Variants in DISC1 observed in about 807,000 individuals in gnomAD.
DISC1 encodes DISC1 scaffold protein, also known as disrupted in schizophrenia 1 protein.
Under a neutral mutation model 84.5 loss-of-function variants are expected in DISC1, and 57 were observed. That is an observed-to-expected ratio of 0.67 (90% CI 0.55 to 0.84). DISC1 has a LOEUF of 0.84. DISC1 is among the 40% of genes least tolerant of loss of function. DISC1 has a pLI of 0.00. For synonymous variants in DISC1, 411 were observed against 415.2 expected (o/e 0.99, Z 0.12); for missense variants, 1,000 against 1,057.8 (o/e 0.95, Z 0.76).
chr1:231,786,013 CTATTA>C (rs1262630504), intron 6 of DISC1, among the ~76,000 whole-genome samples: 1 of 152,036 alleles, frequency 6.6e-6, no homozygotes, highest in Non-Finnish European at 1.5e-5. Flanking sequence ...TCTCTATTAT[CTATTA>C]TATTTCTGTC....
At chr1:231,819,115 G>A (rs952049238) in intron 9 of DISC1, 4 of 986,190 alleles carry the variant, frequency 4.1e-6, no homozygotes, top group African/African-American at 1.7e-5. Flanking sequence ...CAGAGGGATG[G>A]TCTCAGAAGA....
intron 12 of DISC1, 127 bp downstream of exon 12, chr1:232,026,679 C>A: frequency 1.5e-6 from 1 of 682,692 alleles, no homozygotes; most frequent in Non-Finnish European, 2.6e-6. Context: ...TAGCACAGAG[C>A]ACCTCAGATC....
chr1:231,847,144 C>A lies in DISC1; in HGVS notation c.1981+28627C>A, dbSNP rs531331829. On this transcript the variant is annotated intron_variant, in intron 9 of 12. Coordinates refer to ENST00000439617, the MANE Select transcript of DISC1 (RefSeq NM_018662.3). ...GAAGTTCGAGATCAAGGTGTCAGCACAAATGGTCTCTCCCTAAGCCTCTCT... is the reference window on the plus strand; with the variant it reads ...GAAGTTCGAGATCAAGGTGTCAGCAAAAATGGTCTCTCCCTAAGCCTCTCT... 3.3e-5 allele frequency among the ~76,000 whole-genome samples: 5 copies of A among 152,222 alleles called. No homozygotes were observed. The South Asian group carries it at 1.0e-3, about 32-fold the overall frequency.
At chr1:231,666,132 C>G (rs1020600191) in intron 1 of DISC1, among the ~76,000 whole-genome samples, 3 of 152,220 alleles carry the variant, frequency 2.0e-5, no homozygotes, top group African/African-American at 7.2e-5. Flanking sequence ...TCAATGCAAT[C>G]AAGGTAATGC....
chr1:232,019,368 A>T lies in DISC1; in HGVS notation c.2308-7067A>T, dbSNP rs551536596. Among the ~76,000 whole-genome samples, 28 of 152,322 alleles carry T rather than the reference A, an allele frequency of 1.8e-4. 1 individual carries two copies. The East Asian group carries it at 4.1e-3, about 22-fold the overall frequency. ...ATGTTCAGAAAGGAAAAAAATAATA[A>T]TTTGAATTGCTGAAAGGACCGCCTG... On this transcript the variant is annotated intron_variant, in intron 11 of 12. Coordinates refer to ENST00000439617, the MANE Select transcript of DISC1 (RefSeq NM_018662.3).
intron 6 of DISC1, among the ~76,000 whole-genome samples, chr1:231,789,291 A>T (rs1448937153): frequency 2.0e-5 from 3 of 152,128 alleles, no homozygotes; most frequent in African/African-American, 7.2e-5. Context: ...AGCAGATTTG[A>T]GGAGCTGTCA....
chr1:231,919,633 A>C (rs1269770404), intron 9 of DISC1, among the ~76,000 whole-genome samples: 2 of 152,200 alleles, frequency 1.3e-5, no homozygotes, highest in Non-Finnish European at 2.9e-5. Flanking sequence ...ACTGGACAGA[A>C]AGACCTTTTT....
At chr1:231,942,462 TG>T (rs1042703849) in intron 9 of DISC1, among the ~76,000 whole-genome samples, 7 of 152,062 alleles carry the variant, frequency 4.6e-5, no homozygotes, top group African/African-American at 1.4e-4. Flanking sequence ...GTCAAGAGTT[TG>T]AGACCACCGT....
At chr1:231,781,241 T>C (rs1325491683) in intron 6 of DISC1, among the ~76,000 whole-genome samples, 1 of 151,208 alleles carries the variant, frequency 6.6e-6, no homozygotes, top group Non-Finnish European at 1.5e-5. Flanking sequence ...TTACGATGAT[T>C]TTTGAATAAC....
At chr1:231,814,827 T>G (rs1482223783) in intron 8 of DISC1, among the ~76,000 whole-genome samples, 1 of 152,022 alleles carries the variant, frequency 6.6e-6, no homozygotes, top group Non-Finnish European at 1.5e-5. Flanking sequence ...GGGTTGCAGA[T>G]GGTCAGCCAG....
chr1:231,966,032 G>C (rs1343885735), intron 10 of DISC1, among the ~76,000 whole-genome samples: 1 of 152,168 alleles, frequency 6.6e-6, no homozygotes, highest in Non-Finnish European at 1.5e-5. Flanking sequence ...CTAAGTGGTT[G>C]TCGTGCTGTT....
At chr1:231,812,558 C>T (rs907877809) in intron 8 of DISC1, among the ~76,000 whole-genome samples, 5 of 152,084 alleles carry the variant, frequency 3.3e-5, no homozygotes, top group Admixed American at 1.3e-4. Flanking sequence ...GTGTTATTTG[C>T]GGAATAAAAT....
intron 3 of DISC1, among the ~76,000 whole-genome samples, chr1:231,731,025 T>C (rs541448381): frequency 2.0e-5 from 3 of 152,362 alleles, no homozygotes; most frequent in Admixed American, 2.0e-4. Flanking sequence ...AGGCATGATC[T>C]ATCACATTTC....
chr1:231,813,493 G>A (rs1369423876), intron 8 of DISC1: 1 of 152,252 alleles, frequency 6.6e-6, no homozygotes, highest in African/African-American at 2.4e-5. Flanking sequence ...GTGGCATGCG[G>A]TAGGGGGCTC....
Position 231,927,277 on chromosome 1 carries a change from A to G in DISC1, c.1982-31551A>G, listed in dbSNP as rs150490834. The stretch of plus-strand genomic sequence containing the variant: ...CCTAACACCAATCCTGACCCAAAGC[A>G]TGAGGCACTCTCACACATTTCTAGG... On this transcript the variant is annotated intron_variant, in intron 9 of 12. Transcript: ENST00000439617. Among the ~76,000 whole-genome samples, 416 of 152,340 alleles carry G rather than the reference A, an allele frequency of 2.7e-3. 1 individual carries two copies. Among genetic ancestry groups the G allele is most frequent in the Non-Finnish European group, 4.5e-3 (309 of 68,034 alleles).
chr1:231,785,465 T>C (rs1305004469), intron 6 of DISC1, among the ~76,000 whole-genome samples: 1 of 151,636 alleles, frequency 6.6e-6, no homozygotes, highest in Non-Finnish European at 1.5e-5. Flanking sequence ...TTATTATTAT[T>C]ATTATTTTGG....
chr1:231,867,825 T>G (rs1172567520), intron 9 of DISC1, among the ~76,000 whole-genome samples: 1 of 152,240 alleles, frequency 6.6e-6, no homozygotes, highest in Non-Finnish European at 1.5e-5. Context: ...TATGTATGGC[T>G]TAATGAAAGG....
chr1:231,657,719 A>G (rs890237937), intron 1 of DISC1, among the ~76,000 whole-genome samples: 1 of 152,174 alleles, frequency 6.6e-6, no homozygotes, highest in African/African-American at 2.4e-5. Context: ...CTCTCTCAGC[A>G]CCATTTATTA....
intron 9 of DISC1, among the ~76,000 whole-genome samples, chr1:231,859,046 C>G (rs201538764): frequency 1.3e-5 from 2 of 152,236 alleles, no homozygotes; most frequent in African/African-American, 4.8e-5. Flanking sequence ...ACGGTCTCAT[C>G]TGTGGGAGCT....
Sources: gnomAD v4.1 joint callset for allele counts (sites outside exome capture counted in the v4.1 genomes callset) on GRCh38, gnomAD v4.1.1 for gene constraint, MANE v1.5 for transcripts, NCBI Gene and HGNC (gene_info 2026-07-23, HGNC 2026-07-21) for gene names.